The following BCAS1 variants were observed in gnomAD, a reference collection of about 807,000 sequenced individuals.
The protein encoded by BCAS1 is brain enriched myelin associated protein 1.
BCAS1 carries 46 observed loss-of-function variants against 65.4 expected under a neutral mutation model. That is an observed-to-expected ratio of 0.70 (90% CI 0.55 to 0.90). The LOEUF (loss-of-function observed/expected upper bound fraction) is 0.90, where lower values mean the gene tolerates loss of function less well. Ranked by LOEUF, BCAS1 falls within the 40% of genes least tolerant of loss-of-function variation. The pLI is 0.00. For missense variants in BCAS1, 793 were observed against 771.2 expected (o/e 1.03, Z -0.33); for synonymous variants, 298 against 293.5 (o/e 1.02, Z -0.16).
At chr20:54,003,435 C>T (rs73914470) in intron 4 of BCAS1, among the ~76,000 whole-genome samples, 12,168 of 152,110 alleles carry the variant, frequency 0.08, 1,376 homozygotes, top group African/African-American at 0.26. Flanking sequence ...CCTCTCCCAC[C>T]GACGTTTTTC....
At position 54,028,722 on chromosome 20, in the gene BCAS1, G is replaced by A. The variant is rs1396897659; in HGVS notation, c.393C>T (p.Asn131=). ...GTGTCCAGCTCTCACTTGGGTCTTT[G>A]TTCGCTGGAGCTTTATTGGAGCTGA... ...LDVSSNKAPA[N]KDPSESWTLP... The change falls in exon 4 of 13, where the codon AAC becomes AAT. Residue 131 remains asparagine (N), a synonymous_variant. Coordinates refer to ENST00000688948, the MANE Select transcript of BCAS1 (RefSeq NM_001366298.2). 5 of 1,614,186 alleles carry A rather than the reference G, an allele frequency of 3.1e-6. No homozygotes were observed. The highest frequency in any genetic ancestry group is 2.2e-5 in the East Asian group (1 of 44,884).
At chr20:53,969,530 C>T (rs1292376588) in intron 9 of BCAS1, among the ~76,000 whole-genome samples, 5 of 152,216 alleles carry the variant, frequency 3.3e-5, no homozygotes, top group African/African-American at 1.2e-4. Flanking sequence ...CAGAGTCTTA[C>T]CACAGATAAA....
chr20:53,949,315 G>T (rs6022874), intron 12 of BCAS1, among the ~76,000 whole-genome samples: 151,303 of 152,352 alleles, frequency 0.99, 75,131 homozygotes, highest in East Asian at 1. Flanking sequence ...CTTTGTGAAT[G>T]CCAAGGGCTT....
intron 12 of BCAS1, among the ~76,000 whole-genome samples, chr20:53,948,756 C>T (rs1043345760): frequency 1.3e-5 from 2 of 152,210 alleles, no homozygotes; most frequent in African/African-American, 4.8e-5. Flanking sequence ...ATTATTCACC[C>T]TATTTTACAG....
chr20:54,054,435 T>C (rs573645424), intron 3 of BCAS1, among the ~76,000 whole-genome samples: 2 of 152,288 alleles, frequency 1.3e-5, no homozygotes, highest in South Asian at 4.2e-4. Flanking sequence ...AAAGACATGG[T>C]CAAATAATTC....
chr20:54,045,179 T>C (rs1432136474), intron 3 of BCAS1, among the ~76,000 whole-genome samples: 1 of 148,520 alleles, frequency 6.7e-6, no homozygotes, highest in African/African-American at 2.5e-5. Flanking sequence ...GCCATTGCAC[T>C]CCAGCTGGGT....
intron 12 of BCAS1, among the ~76,000 whole-genome samples, chr20:53,948,359 A>G (rs199665192): frequency 0.1 from 15,245 of 151,946 alleles, 883 homozygotes; most frequent in South Asian, 0.16. Context: ...TTCATTTATT[A>G]AAAAAAAATT....
At chr20:54,045,141 G>T (rs976448124) in intron 3 of BCAS1, among the ~76,000 whole-genome samples, 1 of 151,860 alleles carries the variant, frequency 6.6e-6, no homozygotes, top group Non-Finnish European at 1.5e-5. Flanking sequence ...GAGCCCTGGA[G>T]GTCAAGGCTG....
chr20:54,062,289 T>A (rs750764128), intron 1 of BCAS1, among the ~76,000 whole-genome samples: 2 of 152,210 alleles, frequency 1.3e-5, no homozygotes, highest in Non-Finnish European at 2.9e-5. Context: ...GGTGAGTGCT[T>A]ACCATCTGTT....
chr20:54,054,332 A>G (rs1015829329), intron 3 of BCAS1, among the ~76,000 whole-genome samples: 1 of 152,224 alleles, frequency 6.6e-6, no homozygotes, highest in African/African-American at 2.4e-5. Flanking sequence ...CAAACAGTCA[A>G]CTAGATTTCT....
At chr20:54,058,040 C>T in intron 3 of BCAS1, 45 bp downstream of exon 3, 1 of 1,432,392 alleles carries the variant, frequency 7.0e-7, no homozygotes, top group African/African-American at 1.4e-5. Context: ...TGCAGACCCC[C>T]CTTCCCCACG....
rs190156774 is a variant in BCAS1, at chr20:54,017,938, A to G, written c.723+10454T>C. Among the ~76,000 whole-genome samples, 451 of 152,230 alleles carry G rather than the reference A, an allele frequency of 3.0e-3. 2 individuals are homozygous for G. The highest frequency in any genetic ancestry group is 0.01 in the African/African-American group (433 of 41,534). On this transcript the variant is annotated intron_variant, in intron 4 of 12. Coordinates refer to ENST00000688948, the MANE Select transcript of BCAS1 (RefSeq NM_001366298.2). ...AAACAAACAAAAACCACACCAGAAA[A>G]CCTGCCTTTAAATACAAAAAACTAA...
intron 4 of BCAS1, among the ~76,000 whole-genome samples, chr20:53,999,498 C>T (rs2091003859): frequency 6.6e-6 from 1 of 152,162 alleles, no homozygotes; most frequent in Non-Finnish European, 1.5e-5. Context: ...CAACAGGACC[C>T]TCCTGCTCAT....
chr20:54,005,661 C>T (rs1346516344), intron 4 of BCAS1, among the ~76,000 whole-genome samples: 1 of 152,134 alleles, frequency 6.6e-6, no homozygotes, highest in Admixed American at 6.6e-5. Context: ...TATTTTTAGA[C>T]CTCCCCAGGT....
chr20:54,058,553 C>T, intron 2 of BCAS1, 94 bp downstream of exon 2: 3 of 1,527,862 alleles, frequency 2.0e-6, no homozygotes, highest in Non-Finnish European at 2.6e-6. Context: ...CAATCAGCAG[C>T]CAGGACTTCA....
At chr20:53,985,211 C>G in intron 8 of BCAS1, 76 bp downstream of exon 8, 4 of 1,389,208 alleles carry the variant, frequency 2.9e-6, no homozygotes, top group Non-Finnish European at 3.1e-6. Flanking sequence ...TTGAGTACAA[C>G]AGTTAGCCCA....
intron 4 of BCAS1, among the ~76,000 whole-genome samples, chr20:54,015,889 T>A (rs1032466100): frequency 6.6e-6 from 1 of 152,198 alleles, no homozygotes; most frequent in African/African-American, 2.4e-5. Context: ...AGATTGGTGG[T>A]TCACTACAGT....
intron 4 of BCAS1, among the ~76,000 whole-genome samples, chr20:54,023,099 A>T (rs189556358): frequency 6.6e-6 from 1 of 152,356 alleles, no homozygotes; most frequent in South Asian, 2.1e-4. Flanking sequence ...AAAAACAGTT[A>T]ATAATTCACT....
intron 8 of BCAS1, among the ~76,000 whole-genome samples, chr20:53,984,958 A>G (rs2090574322): frequency 6.6e-6 from 1 of 152,190 alleles, no homozygotes; most frequent in Admixed American, 6.5e-5. Context: ...GAGACCAGGA[A>G]GAAGTCAGGG....
Sources: gnomAD v4.1 joint callset for allele counts (sites outside exome capture counted in the v4.1 genomes callset) on GRCh38, gnomAD v4.1.1 for gene constraint, MANE v1.5 for transcripts, NCBI Gene and HGNC (gene_info 2026-07-23, HGNC 2026-07-21) for gene names.